The following SLC14A2 variants were observed in gnomAD, a reference collection of about 807,000 sequenced individuals.
SLC14A2 encodes the protein solute carrier family 14 member 2.
SLC14A2 carries 91 observed loss-of-function variants against 104.6 expected under a neutral mutation model. That is an observed-to-expected ratio of 0.87 (90% CI 0.73 to 1.04). The LOEUF (loss-of-function observed/expected upper bound fraction) is 1.04, where lower values mean the gene tolerates loss of function less well. Among genes scored for constraint, SLC14A2 ranks in the 50% least tolerant of loss-of-function variants. The probability of loss-of-function intolerance (pLI) is 0.00; values close to 1 mark genes in which losing one functional copy is unlikely to be tolerated. For synonymous variants in SLC14A2, 476 were observed against 466.4 expected (o/e 1.02, Z -0.27); for missense variants, 1,189 against 1,156.0 (o/e 1.03, Z -0.41).
At chr18:45,440,244 G>A (rs1342608147) in intron 1 of SLC14A2, 3 of 149,150 alleles carry the variant, frequency 2.0e-5, no homozygotes, top group African/African-American at 7.4e-5. Context: ...TTTTCTTCAT[G>A]ACATCTGGAC....
chr18:45,282,628 A>G (rs1599640947), intron 1 of SLC14A2, among the ~76,000 whole-genome samples: 1 of 152,156 alleles, frequency 6.6e-6, no homozygotes, highest in African/African-American at 2.4e-5. Flanking sequence ...CCTGGAGCAC[A>G]TCTGCACATC....
At chr18:45,526,251 A>G (rs986547054) in intron 2 of SLC14A2, among the ~76,000 whole-genome samples, 11 of 152,276 alleles carry the variant, frequency 7.2e-5, no homozygotes, top group African/African-American at 2.6e-4. Flanking sequence ...GTCCAGCTGA[A>G]GGTAATAAAA....
intron 1 of SLC14A2, among the ~76,000 whole-genome samples, chr18:45,327,808 A>G (rs747623062): frequency 6.6e-6 from 1 of 151,908 alleles, no homozygotes; most frequent in Non-Finnish European, 1.5e-5. Flanking sequence ...GTTGGGTGTG[A>G]TGTATATTTA....
chr18:45,249,323 G>A (rs781103329), intron 1 of SLC14A2, among the ~76,000 whole-genome samples: 26 of 151,496 alleles, frequency 1.7e-4, no homozygotes, highest in South Asian at 4.2e-4. Flanking sequence ...CATGCAAAGG[G>A]TGGAGTATTG....
Position 45,493,828 on chromosome 18 carries a change from G to C in SLC14A2, c.-35+10506G>C, listed in dbSNP as rs371410829. Reference sequence around the variant, plus strand: ...CATTAGGCATTTAATGAACACTTTTGATAAAATATTTGAATTCAGTGGGTA... The same window carrying C: ...CATTAGGCATTTAATGAACACTTTTCATAAAATATTTGAATTCAGTGGGTA... On this transcript the variant is annotated intron_variant, in intron 2 of 20. Coordinates refer to the SLC14A2 transcript ENST00000586448. Among the ~76,000 whole-genome samples, 9 of 152,148 alleles carry C rather than the reference G, an allele frequency of 5.9e-5. No homozygotes were observed. In the East Asian group the frequency reaches 1.7e-3, roughly 29 times the overall value.
chr18:45,327,529 T>G (rs1000328553), intron 1 of SLC14A2, among the ~76,000 whole-genome samples: 1 of 152,100 alleles, frequency 6.6e-6, no homozygotes, highest in African/African-American at 2.4e-5. Context: ...TCAAAAACCC[T>G]CAATCTCTTC....
chr18:45,255,930 G>A (rs1232084783), intron 1 of SLC14A2, among the ~76,000 whole-genome samples: 1 of 152,060 alleles, frequency 6.6e-6, no homozygotes, highest in East Asian at 1.9e-4. Context: ...AGAAAGGCCC[G>A]GATGTATGCT....
At chr18:45,405,639 T>C (rs1443832356) in intron 1 of SLC14A2, among the ~76,000 whole-genome samples, 4 of 152,170 alleles carry the variant, frequency 2.6e-5, no homozygotes, top group Non-Finnish European at 5.9e-5. Context: ...GTGGTGGCTC[T>C]TGCCTGTAAT....
At chr18:45,174,525 C>T in the SLC14A2 span, among the ~76,000 whole-genome samples, 1 of 152,014 alleles carries the variant, frequency 6.6e-6, no homozygotes, top group African/African-American at 2.4e-5. Context: ...GAGAGTCTGC[C>T]AGAATCACCG....
intron 1 of SLC14A2, among the ~76,000 whole-genome samples, chr18:45,391,583 A>T (rs995864187): frequency 5.3e-5 from 8 of 152,044 alleles, no homozygotes; most frequent in African/African-American, 1.5e-4. Flanking sequence ...CCTCTCCAGC[A>T]CCTGTTGTTT....
At chr18:45,229,582 A>T (rs2084154461) in intron 1 of SLC14A2, among the ~76,000 whole-genome samples, 1 of 152,186 alleles carries the variant, frequency 6.6e-6, no homozygotes, top group South Asian at 2.1e-4. Context: ...TGCCTAGCAC[A>T]GCCATACCTA....
Position 45,300,123 on chromosome 18 carries a change from G to A in SLC14A2, c.-125+86932G>A, listed in dbSNP as rs115108361. ...ATATTTCAAAAGACAAGGCTATCAC[G>A]AGAAAGGAAAAAAACAAGACTGACC... is the stretch of plus-strand genomic sequence containing the variant. On this transcript the variant is annotated intron_variant, in intron 1 of 20. Coordinates refer to the SLC14A2 transcript ENST00000586448. Among the ~76,000 whole-genome samples, 658 of 152,112 alleles carry A rather than the reference G, an allele frequency of 4.3e-3. 5 individuals are homozygous for A. Among genetic ancestry groups the A allele is most frequent in the African/African-American group, 0.015 (618 of 41,496 alleles).
chr18:45,652,966 C>T (rs1240273943), intron 10 of SLC14A2, among the ~76,000 whole-genome samples: 2 of 151,992 alleles, frequency 1.3e-5, no homozygotes, highest in Non-Finnish European at 2.9e-5. Context: ...ATATTGCTCA[C>T]AGGTGGCTCC....
chr18:45,241,016 C>T (rs1174903880), intron 1 of SLC14A2, among the ~76,000 whole-genome samples: 1 of 152,182 alleles, frequency 6.6e-6, no homozygotes, highest in African/African-American at 2.4e-5. Context: ...GCTCTAGAGA[C>T]TTGCTCCTAC....
chr18:45,551,818 G>A (rs548037537), intron 2 of SLC14A2, among the ~76,000 whole-genome samples: 14 of 152,286 alleles, frequency 9.2e-5, no homozygotes, highest in South Asian at 4.1e-4. Context: ...GTTTACTGTC[G>A]TCTGCACCAC....
At chr18:45,403,264 C>A (rs1277654461) in intron 1 of SLC14A2, among the ~76,000 whole-genome samples, 1 of 152,144 alleles carries the variant, frequency 6.6e-6, no homozygotes, top group Non-Finnish European at 1.5e-5. Flanking sequence ...GGGGTCCACC[C>A]TTATGACCTC....
the SLC14A2 span, among the ~76,000 whole-genome samples, chr18:45,197,317 G>A: frequency 1.3e-5 from 2 of 152,148 alleles, no homozygotes; most frequent in African/African-American, 4.8e-5. Flanking sequence ...GCTCTATAGA[G>A]AGCTGCATGA....
upstream of SLC14A2, among the ~76,000 whole-genome samples, chr18:45,613,005 C>T (rs1011011614): frequency 6.8e-6 from 1 of 146,790 alleles, no homozygotes; most frequent in Non-Finnish European, 1.5e-5. Flanking sequence ...AAACCTCTTT[C>T]CTTTATAAAT....
chr18:45,282,084 C>T (rs2084768156), intron 1 of SLC14A2, among the ~76,000 whole-genome samples: 1 of 152,100 alleles, frequency 6.6e-6, no homozygotes, highest in Non-Finnish European at 1.5e-5. Context: ...GCAGTGGGAG[C>T]CTTTGGTCAT....
Sources: gnomAD v4.1 joint callset for allele counts (sites outside exome capture counted in the v4.1 genomes callset) on GRCh38, gnomAD v4.1.1 for gene constraint, MANE v1.5 for transcripts, NCBI Gene and HGNC (gene_info 2026-07-23, HGNC 2026-07-21) for gene names.